FAHD2B: variants seen among roughly 807,000 people sequenced by gnomAD.
The protein encoded by FAHD2B is fumarylacetoacetate hydrolase domain containing 2B.
In FAHD2B, 26 loss-of-function variants were observed where a neutral mutation model predicts 33.7. The ratio of observed to expected loss-of-function variants is 0.77; its 90% confidence interval spans 0.57 to 1.07. FAHD2B has a LOEUF of 1.07. Among genes scored for constraint, FAHD2B ranks in the 50% least tolerant of loss-of-function variants. FAHD2B has a pLI of 0.00. For missense variants in FAHD2B, 272 were observed against 388.1 expected, an observed-to-expected ratio of 0.70 and a Z score of 2.51; for synonymous variants, 108 against 150.9, an observed-to-expected ratio of 0.72 and a Z score of 2.08.
rs762531718 is a variant in FAHD2B at position 97,083,817 on chromosome 2, T to C, written c.883A>G (p.Lys295Glu). Residue 295 changes from lysine (K) to glutamate (E), a missense_variant and splice_region_variant, in exon 9 of 9, where the codon AAG becomes GAG. Coordinates refer to ENST00000414820, the MANE Select transcript of FAHD2B (RefSeq NM_001320848.2). Reference protein sequence around the residue: ...VFRKPPVFLKKGDEVQCEIEE... With the variant: ...VFRKPPVFLKEGDEVQCEIEE... ...ATCTCACACTGGACTTCATCCCCCT[T>C]CTGCAACAGAGCAGGCCATGACGGT... 1.4e-5 allele frequency: 22 copies of C among 1,614,108 alleles called. 1 individual carries two copies. The Middle Eastern group carries it at 2.1e-3, about 157-fold the overall frequency.
chr2:97,079,903 G>A (rs1574363833), downstream of FAHD2B, among the ~76,000 whole-genome samples: 1 of 152,156 alleles, frequency 6.6e-6, no homozygotes, highest in East Asian at 1.9e-4. Context: ...GACCTCAGGT[G>A]ATCCTCCTGC....
At chr2:97,085,442 C>G (rs1574372004) in intron 6 of FAHD2B, among the ~76,000 whole-genome samples, 1 of 151,760 alleles carries the variant, frequency 6.6e-6, no homozygotes, top group East Asian at 1.9e-4. Context: ...ATCCACCCAT[C>G]AGCTCAGTGT....
rs750536561 is a variant in FAHD2B at position 97,084,063 on chromosome 2, G to A, written c.795-28C>T. ...GGAGCAAAGCAAAAGGACCCAGTGAGACCAGGGGCTGGCTGAGTGGCCACA... is the reference window on the plus strand; with the variant it reads ...GGAGCAAAGCAAAAGGACCCAGTGAAACCAGGGGCTGGCTGAGTGGCCACA... On this transcript the variant is annotated intron_variant, in intron 7 of 8. Coordinates refer to ENST00000414820, the MANE Select transcript of FAHD2B (RefSeq NM_001320848.2). 4.3e-6 allele frequency: 7 copies of A among 1,612,486 alleles called. No individual in the cohort carries two copies. The South Asian group carries it at 6.6e-5, about 15-fold the overall frequency.
chr2:97,081,197 G>A (rs1456180359), downstream of FAHD2B: 48 of 1,487,446 alleles, frequency 3.2e-5, no homozygotes, highest in Admixed American at 6.8e-5. Context: ...GAGCTGTACC[G>A]CCAGATCCTG....
chr2:97,082,540 T>C, downstream of FAHD2B: 10 of 1,600,176 alleles, frequency 6.2e-6, no homozygotes, highest in Admixed American at 5.2e-5. Flanking sequence ...TGCCAGACAG[T>C]GACAACCCAA....
At chr2:97,090,032 C>T (rs2153383378) in intron 4 of FAHD2B, 77 bp downstream of exon 4, 1 of 1,520,460 alleles carries the variant, frequency 6.6e-7, no homozygotes, top group Non-Finnish European at 9.0e-7. Flanking sequence ...GAGGTGGCTC[C>T]AGTAGGCTCA....
At chr2:97,090,398 C>T in intron 3 of FAHD2B, 73 bp from the exon 4 acceptor site, 2 of 1,471,664 alleles carry the variant, frequency 1.4e-6, no homozygotes, top group African/African-American at 1.4e-5. Context: ...TGGGCAGATC[C>T]TGCAGCAGCT....
At chr2:97,083,110 G>A (rs1033105152), downstream of FAHD2B, 18 of 1,529,776 alleles carry the variant, frequency 1.2e-5, no homozygotes, top group African/African-American at 1.7e-4. Context: ...TCCCTGTGGT[G>A]AGCGCACTCA....
chr2:97,093,509 C>T (rs1327860667), intron 1 of FAHD2B, among the ~76,000 whole-genome samples: 1 of 131,676 alleles, frequency 7.6e-6, no homozygotes, highest in African/African-American at 2.9e-5. Flanking sequence ...GAGTCTCGCT[C>T]TGTCGCCCAG....
At chr2:97,090,365 C>T in intron 3 of FAHD2B, 40 bp from the exon 4 acceptor site, 2 of 1,478,278 alleles carry the variant, frequency 1.4e-6, no homozygotes, top group East Asian at 2.5e-5. Flanking sequence ...TGGCTGGGAA[C>T]AGGTGGGCAA....
At chr2:97,081,809 T>C (rs546815606), downstream of FAHD2B, among the ~76,000 whole-genome samples, 11 of 148,536 alleles carry the variant, frequency 7.4e-5, no homozygotes, top group East Asian at 7.7e-4. Flanking sequence ...ACAGGGCTAC[T>C]GCCCTTGAGG....
rs1343503223 is a variant in FAHD2B, at chr2:97,086,040, G to A, written c.522+99C>T. 1.6e-5 allele frequency: 22 copies of A among 1,334,582 alleles called. 1 individual carries two copies. Among genetic ancestry groups the A allele is most frequent in the Non-Finnish European group, 1.6e-5 (15 of 945,060 alleles). 82.7% of individuals were successfully genotyped at this position (1,334,582 alleles called of 1,614,324 possible). On this transcript the variant is annotated intron_variant, in intron 5 of 8. Coordinates refer to ENST00000414820, the MANE Select transcript of FAHD2B (RefSeq NM_001320848.2). ...TGACTGCTTCCTAGTGTCAGGGACA[G>A]CTGGTGCCGTGTGTCGGTGAGTGAG...
downstream of FAHD2B, among the ~76,000 whole-genome samples, chr2:97,079,914 C>T (rs2031587559): frequency 6.6e-6 from 1 of 152,092 alleles, no homozygotes; most frequent in Non-Finnish European, 1.5e-5. Context: ...ATCCTCCTGC[C>T]TTGGCCTCCC....
intron 4 of FAHD2B, chr2:97,086,452 T>C: frequency 1.9e-6 from 1 of 526,312 alleles, no homozygotes. Flanking sequence ...GAGCAACACG[T>C]GTCCAGGGCA....
chr2:97,082,801 ACCC>A (rs1485309747), downstream of FAHD2B: 1 of 1,323,472 alleles, frequency 7.6e-7, no homozygotes, highest in Non-Finnish European at 1.1e-6. Flanking sequence ...CCCTGCTCCC[ACCC>A]CAATAGAGTG....
intron 1 of FAHD2B, among the ~76,000 whole-genome samples, chr2:97,092,775 A>G (rs1284331939): frequency 1.3e-5 from 2 of 151,934 alleles, no homozygotes; most frequent in Non-Finnish European, 2.9e-5. Context: ...GTTCAAGACC[A>G]GCCTGGCCAA....
chr2:97,086,393 A>T (rs1335304966), intron 4 of FAHD2B, among the ~76,000 whole-genome samples, 195 bp from the exon 5 acceptor site: 1 of 152,170 alleles, frequency 6.6e-6, no homozygotes, highest in African/African-American at 2.4e-5. Flanking sequence ...AGTGGCAGAC[A>T]GCATCATGGA....
At chr2:97,090,417 T>A in intron 3 of FAHD2B, 92 bp from the exon 4 acceptor site, 1 of 1,472,556 alleles carries the variant, frequency 6.8e-7, no homozygotes, top group African/African-American at 1.4e-5. Context: ...CTACAGGTTT[T>A]GCTTTTTGAA....
chr2:97,085,699 C>G lies in FAHD2B; in HGVS notation c.685G>C (p.Asp229His). The G allele has an allele frequency of 6.2e-7, 1 of 1,613,760 alleles. No homozygotes were observed. The highest frequency in any genetic ancestry group is 8.5e-7 in the Non-Finnish European group (1 of 1,179,826). The change falls in exon 6 of 9, where the codon GAT (aspartate) becomes CAT (histidine). Residue 229 changes from aspartate (D) to histidine (H), a missense_variant and splice_region_variant. Coordinates refer to ENST00000414820, the MANE Select transcript of FAHD2B (RefSeq NM_001320848.2). ...CAGGGGGCAGGGACCAGGGACCTAC[C>G]TGCTACACTGTCCTTGGTCACCAAG... The part of the protein sequence containing the change: ...PALVTKDSVA[D>H]PHNLKICCRV...
Sources: gnomAD v4.1 joint callset for allele counts (sites outside exome capture counted in the v4.1 genomes callset) on GRCh38, gnomAD v4.1.1 for gene constraint, MANE v1.5 for transcripts, NCBI Gene and HGNC (gene_info 2026-07-23, HGNC 2026-07-21) for gene names.